The following MBNL1 variants were observed in gnomAD, a reference collection of about 807,000 sequenced individuals.
MBNL1 encodes muscleblind-like protein 1.
Under a neutral mutation model 42.2 loss-of-function variants are expected in MBNL1, and 8 were observed. That is an observed-to-expected ratio of 0.19 (90% CI 0.11 to 0.34). MBNL1 has a LOEUF of 0.34. Ranked by LOEUF, MBNL1 falls within the 10% of genes least tolerant of loss-of-function variation. The pLI is 1.00. For missense variants in MBNL1, 309 were observed against 495.3 expected, an observed-to-expected ratio of 0.62 and a Z score of 3.57; for synonymous variants, 169 against 173.9, an observed-to-expected ratio of 0.97 and a Z score of 0.22.
At chr3:152,411,692 TAG>T (rs1435884782) in intron 2 of MBNL1, among the ~76,000 whole-genome samples, 2 of 152,230 alleles carry the variant, frequency 1.3e-5, no homozygotes, top group Non-Finnish European at 2.9e-5. Context: ...TTTCTGTTTT[TAG>T]ACTTTTAAAA....
At chr3:152,327,895 G>A (rs1242049612) in intron 2 of MBNL1, among the ~76,000 whole-genome samples, 1 of 151,766 alleles carries the variant, frequency 6.6e-6, no homozygotes, top group East Asian at 1.9e-4. Flanking sequence ...AAGTTAAGTT[G>A]TTCTTGCTGA....
chr3:152,300,023 A>G lies in MBNL1; in HGVS notation c.-171A>G, dbSNP rs1328651092. 5.7e-6 allele frequency: 3 copies of G among 530,430 alleles called. No individual in the cohort carries two copies. The Admixed American group carries it at 1.1e-4, about 20-fold the overall frequency. 32.9% of individuals were successfully genotyped at this position (530,430 alleles called of 1,614,324 possible). A position where few individuals can be genotyped will look rare whatever the true frequency, so the allele number is the denominator to read the frequency against. ...TTTCTAGTGGGAGATCTTTTCCTTG[A>G]TATTGACGACACAATTTTCCATGTA... is the stretch of plus-strand genomic sequence containing the variant. On this transcript the variant is annotated 5_prime_UTR_variant, in exon 2 of 10. Transcript: ENST00000324210.
At chr3:152,247,415 G>A (rs987975902) in intron 2 of MBNL1, among the ~76,000 whole-genome samples, 18 of 151,948 alleles carry the variant, frequency 1.2e-4, no homozygotes, top group Admixed American at 9.8e-4. Context: ...CATGAGCTCT[G>A]TATGATAAAA....
intron 2 of MBNL1, among the ~76,000 whole-genome samples, chr3:152,360,615 C>T (rs1263985649): frequency 6.6e-6 from 1 of 152,026 alleles, no homozygotes; most frequent in East Asian, 1.9e-4. Context: ...CTTCTTAGGG[C>T]TCCCATAGAA....
intron 2 of MBNL1, among the ~76,000 whole-genome samples, chr3:152,310,733 A>G (rs1479755103): frequency 2.0e-5 from 3 of 152,154 alleles, no homozygotes; most frequent in African/African-American, 7.2e-5. Context: ...TTCTAACAAT[A>G]CAGAGTCTGA....
chr3:152,387,987 T>C (rs1579275959), intron 2 of MBNL1, among the ~76,000 whole-genome samples: 1 of 152,270 alleles, frequency 6.6e-6, no homozygotes, highest in African/African-American at 2.4e-5. Flanking sequence ...AAAATAAAGA[T>C]TAGATGGCCT....
chr3:152,317,529 A>G lies in MBNL1; in HGVS notation c.174+17162A>G, dbSNP rs1036808426. On this transcript the variant is annotated intron_variant, in intron 2 of 9. Coordinates refer to ENST00000324210, the MANE Select transcript of MBNL1 (RefSeq NM_021038.5). ...TAGATGAGGTTTCAGCATGTTACCC[A>G]GGCTGGCCTTGAAATCCTGAGCTCA... 3.9e-5 allele frequency among the ~76,000 whole-genome samples: 6 copies of G among 152,140 alleles called. No homozygotes were observed. In the East Asian group the frequency reaches 1.2e-3, roughly 29 times the overall value.
chr3:152,298,395 A>T (rs2059502028), intron 1 of MBNL1, among the ~76,000 whole-genome samples: 1 of 152,216 alleles, frequency 6.6e-6, no homozygotes, highest in Admixed American at 6.5e-5. Context: ...TCATCAGGCA[A>T]CAGGGGATCC....
chr3:152,399,090 C>T (rs2098111496), intron 2 of MBNL1, among the ~76,000 whole-genome samples: 1 of 152,098 alleles, frequency 6.6e-6, no homozygotes, highest in South Asian at 2.1e-4. Context: ...TATATGCGTG[C>T]CTTGTTTCCT....
In MBNL1 at chr3:152,300,149, T is replaced by G; in HGVS notation, c.-45T>G. On this transcript the variant is annotated 5_prime_UTR_variant, in exon 2 of 10. Coordinates refer to ENST00000324210, the MANE Select transcript of MBNL1 (RefSeq NM_021038.5). ...GTTGCTCTTTTTTGGGGGGGTTGGG[T>G]TTGTTGGTTTCACTGAAACATTTAA... 5 of 1,350,994 alleles carry G rather than the reference T, an allele frequency of 3.7e-6. No homozygotes were observed. Among genetic ancestry groups the G allele is most frequent in the Non-Finnish European group, 3.0e-6 (3 of 988,174 alleles). The allele number at this position is 1,350,994 out of a possible 1,614,324, so 83.7% of individuals were successfully genotyped here.
chr3:152,321,997 T>C (rs1223462800), intron 2 of MBNL1, among the ~76,000 whole-genome samples: 2 of 152,096 alleles, frequency 1.3e-5, no homozygotes, highest in African/African-American at 4.8e-5. Context: ...ATTCTTGTTT[T>C]AGATACTGTT....
chr3:152,455,518 C>G, intron 6 of MBNL1, 24 bp from the exon 7 acceptor site: 1 of 1,605,892 alleles, frequency 6.2e-7, no homozygotes, highest in Non-Finnish European at 8.5e-7. Context: ...AATCCACCTT[C>G]CTGTTGCAAT....
chr3:152,440,246 T>G (rs2099128795), intron 4 of MBNL1, among the ~76,000 whole-genome samples: 1 of 152,142 alleles, frequency 6.6e-6, no homozygotes, highest in Non-Finnish European at 1.5e-5. Flanking sequence ...AGGAGAAAAA[T>G]TGATCAAATA....
intron 4 of MBNL1, among the ~76,000 whole-genome samples, chr3:152,442,537 C>A (rs1472848169): frequency 6.6e-6 from 1 of 152,106 alleles, no homozygotes; most frequent in African/African-American, 2.4e-5. Context: ...GTTATAATTT[C>A]TTATCCTGTT....
At chr3:152,385,325 G>T (rs761185621) in intron 2 of MBNL1, among the ~76,000 whole-genome samples, 4 of 151,840 alleles carry the variant, frequency 2.6e-5, no homozygotes, top group Non-Finnish European at 5.9e-5. Flanking sequence ...ATGCCCACAG[G>T]GTATAGAGAA....
intron 2 of MBNL1, among the ~76,000 whole-genome samples, chr3:152,351,412 A>G (rs1273925005): frequency 6.6e-6 from 1 of 152,212 alleles, no homozygotes; most frequent in Non-Finnish European, 1.5e-5. Context: ...AGCAAAAGTT[A>G]ACTAAATGTT....
chr3:152,375,518 G>A (rs2096859728), intron 2 of MBNL1, among the ~76,000 whole-genome samples: 1 of 152,230 alleles, frequency 6.6e-6, no homozygotes, highest in Non-Finnish European at 1.5e-5. Context: ...GGGAGGCCAA[G>A]TGGGGAGGAT....
chr3:152,300,323 C>T lies in MBNL1; in HGVS notation c.130C>T (p.Gln44Ter). ...ATTTGCACATCCTTCGAAAAGCTGC[C>T]AAGTTGAAAATGGACGAGTAATCGC... ...CKFAHPSKSC[Q>*]VENGRVIACF... The change falls in exon 2 of 10, where the codon CAA (glutamine) becomes TAA (stop). Residue 44 changes from glutamine to a stop codon, truncating the protein, a stop_gained. Coordinates refer to ENST00000324210, the MANE Select transcript of MBNL1 (RefSeq NM_021038.5). LOFTEE classifies it high-confidence loss of function. 1 of 1,613,962 alleles carries T rather than the reference C, an allele frequency of 6.2e-7. No homozygotes were observed.
At chr3:152,301,357 CT>C (rs2060651631) in intron 2 of MBNL1, among the ~76,000 whole-genome samples, 1 of 152,180 alleles carries the variant, frequency 6.6e-6, no homozygotes, top group Non-Finnish European at 1.5e-5. Flanking sequence ...TAATTTAATT[CT>C]TTGGACCTTT....
Sources: gnomAD v4.1 joint callset for allele counts (sites outside exome capture counted in the v4.1 genomes callset) on GRCh38, gnomAD v4.1.1 for gene constraint, MANE v1.5 for transcripts, NCBI Gene and HGNC (gene_info 2026-07-23, HGNC 2026-07-21) for gene names.